SPOCK1: variants seen among roughly 807,000 people sequenced by gnomAD.
SPOCK1 encodes testican-1.
A neutral mutation model predicts 55.3 loss-of-function variants in SPOCK1; 23 were observed. The ratio of observed to expected loss-of-function variants is 0.42; its 90% CI spans 0.30 to 0.59. The LOEUF is 0.59. SPOCK1 is among the 20% of genes least tolerant of loss of function. The pLI, the probability that SPOCK1 is intolerant of heterozygous loss-of-function variation, is 0.22. For missense variants in SPOCK1, 499 were observed against 552.5 expected (o/e 0.90, Z 0.97); for synonymous variants, 226 against 221.0 (o/e 1.02, Z -0.20).
intron 4 of SPOCK1, among the ~76,000 whole-genome samples, chr5:137,127,292 G>A (rs568931602): frequency 6.6e-6 from 1 of 152,330 alleles, no homozygotes; most frequent in South Asian, 2.1e-4. Flanking sequence ...ACCACAGAAA[G>A]ACCACATTAG....
chr5:137,441,776 G>C (rs1449558434), intron 2 of SPOCK1, among the ~76,000 whole-genome samples: 1 of 152,164 alleles, frequency 6.6e-6, no homozygotes, highest in African/African-American at 2.4e-5. Flanking sequence ...AAATCCATAA[G>C]CAAGAGATCT....
At chr5:137,132,278 C>T (rs1325657347) in intron 4 of SPOCK1, among the ~76,000 whole-genome samples, 7 of 150,692 alleles carry the variant, frequency 4.6e-5, no homozygotes, top group Non-Finnish European at 7.4e-5. Context: ...TCAGGTTTGT[C>T]ATTTTCTCAA....
At chr5:137,464,277 T>C (rs1334050100) in intron 2 of SPOCK1, among the ~76,000 whole-genome samples, 2 of 152,058 alleles carry the variant, frequency 1.3e-5, no homozygotes, top group Non-Finnish European at 2.9e-5. Context: ...ACTCCAGCCT[T>C]AGTGACAGAG....
chr5:137,021,643 A>G (rs1413750915), intron 6 of SPOCK1, among the ~76,000 whole-genome samples: 4 of 152,222 alleles, frequency 2.6e-5, no homozygotes, highest in African/African-American at 9.6e-5. Flanking sequence ...CTGTATTCAC[A>G]ATAATCTGGC....
intron 2 of SPOCK1, among the ~76,000 whole-genome samples, chr5:137,322,348 A>AAAC (rs1554075614): frequency 1.0e-4 from 15 of 145,088 alleles, no homozygotes; most frequent in South Asian, 2.2e-4. Context: ...AAAAAAAAAA[A>AAAC]ACACACACAC....
chr5:137,309,059 A>C (rs1757747203), intron 2 of SPOCK1, among the ~76,000 whole-genome samples: 1 of 152,152 alleles, frequency 6.6e-6, no homozygotes. Context: ...GAATTTGATT[A>C]TTCTGTAATG....
intron 4 of SPOCK1, among the ~76,000 whole-genome samples, chr5:137,120,197 C>T (rs1404982545): frequency 1.3e-5 from 2 of 152,150 alleles, no homozygotes; most frequent in African/African-American, 4.8e-5. Flanking sequence ...CAGGTCAAGA[C>T]TTGCTCATAT....
At chr5:137,464,167 G>A (rs1002357151) in intron 2 of SPOCK1, among the ~76,000 whole-genome samples, 1 of 151,990 alleles carries the variant, frequency 6.6e-6, no homozygotes, top group Non-Finnish European at 1.5e-5. Flanking sequence ...CAAGTATGAT[G>A]GTGCAGGCCC....
intron 4 of SPOCK1, among the ~76,000 whole-genome samples, chr5:137,115,194 G>A (rs1006418609): frequency 2.0e-5 from 3 of 152,100 alleles, no homozygotes; most frequent in African/African-American, 7.2e-5. Context: ...GGTGGGGGGA[G>A]TCCCTATGTG....
intron 2 of SPOCK1, among the ~76,000 whole-genome samples, chr5:137,336,309 C>T (rs1750275712): frequency 6.6e-6 from 1 of 152,130 alleles, no homozygotes; most frequent in Non-Finnish European, 1.5e-5. Context: ...AGGGACAGGC[C>T]CTGCAGCCTG....
intron 4 of SPOCK1, among the ~76,000 whole-genome samples, chr5:137,136,149 C>G (rs1346791161): frequency 1.3e-5 from 2 of 152,144 alleles, no homozygotes; most frequent in Admixed American, 1.3e-4. Context: ...TTGTGTCCTA[C>G]TTAAGAAATC....
intron 2 of SPOCK1, among the ~76,000 whole-genome samples, chr5:137,426,491 A>C (rs552996957): frequency 6.6e-6 from 1 of 152,306 alleles, no homozygotes; most frequent in East Asian, 1.9e-4. Flanking sequence ...TACCTGAAGC[A>C]ATCTTGATGT....
chr5:137,349,001 C>T (rs1750621487), intron 2 of SPOCK1, among the ~76,000 whole-genome samples: 1 of 152,176 alleles, frequency 6.6e-6, no homozygotes, highest in South Asian at 2.1e-4. Context: ...TTGTTTGACT[C>T]AACACACTGG....
chr5:137,468,167 T>C (rs951061842), intron 2 of SPOCK1, among the ~76,000 whole-genome samples: 1 of 152,238 alleles, frequency 6.6e-6, no homozygotes, highest in Non-Finnish European at 1.5e-5. Context: ...TCCTTCTCAT[T>C]CCATTTCTTT....
At chr5:137,387,622 T>A (rs1751622688) in intron 2 of SPOCK1, among the ~76,000 whole-genome samples, 1 of 152,238 alleles carries the variant, frequency 6.6e-6, no homozygotes, top group Admixed American at 6.5e-5. Context: ...TATAATGATG[T>A]ATACATGTCA....
At chr5:137,429,669 T>C (rs1752704136) in intron 2 of SPOCK1, among the ~76,000 whole-genome samples, 1 of 152,356 alleles carries the variant, frequency 6.6e-6, no homozygotes. Context: ...CAAAGCCTTG[T>C]CTTCTTTGGC....
Position 137,444,609 on chromosome 5 carries a change from C to T in SPOCK1, c.186+53764G>A, listed in dbSNP as rs143230072. On this transcript the variant is annotated intron_variant, in intron 2 of 10. Transcript: ENST00000394945. ...CAGCAACAAGCTCCTGAGATACAGCCGGACTCACTCTGCTTCCTGAGACTC... is the reference window on the plus strand; with the variant it reads ...CAGCAACAAGCTCCTGAGATACAGCTGGACTCACTCTGCTTCCTGAGACTC... Among the ~76,000 whole-genome samples the T allele has an allele frequency of 4.1e-3, 629 of 152,272 alleles. 4 individuals are homozygous for T. Among genetic ancestry groups the T allele is most frequent in the Non-Finnish European group, 6.2e-3 (423 of 68,026 alleles).
At chr5:137,440,791 G>A (rs1324078238) in intron 2 of SPOCK1, among the ~76,000 whole-genome samples, 1 of 152,114 alleles carries the variant, frequency 6.6e-6, no homozygotes, top group Non-Finnish European at 1.5e-5. Flanking sequence ...AAAGCCTACT[G>A]CTTCAAAAGC....
intron 2 of SPOCK1, among the ~76,000 whole-genome samples, chr5:137,282,204 A>C (rs1019503123): frequency 6.6e-6 from 1 of 152,228 alleles, no homozygotes; most frequent in African/African-American, 2.4e-5. Context: ...CAGAGTTTTA[A>C]AAATATACCG....
Sources: allele counts gnomAD v4.1 joint callset (sites outside exome capture counted in the v4.1 genomes callset), GRCh38; gene constraint gnomAD v4.1.1; transcripts MANE v1.5; gene names NCBI Gene and HGNC (gene_info 2026-07-23, HGNC 2026-07-21).